BEND6: variants seen among roughly 807,000 people sequenced by gnomAD.
BEND6 encodes the protein BEN domain-containing protein 6.
Under a neutral mutation model 31.8 loss-of-function variants are expected in BEND6, and 24 were observed. That is an observed-to-expected ratio of 0.75 (90% CI 0.55 to 1.06). The LOEUF (loss-of-function observed/expected upper bound fraction) is 1.06. Among genes scored for constraint, BEND6 ranks in the 50% least tolerant of loss-of-function variants. The pLI is 0.00. For missense variants in BEND6, 294 were observed against 327.4 expected, an observed-to-expected ratio of 0.90 and a Z score of 0.79; for synonymous variants, 109 against 114.6, an observed-to-expected ratio of 0.95 and a Z score of 0.31.
At chr6:57,022,164 C>CTTTTTTTTTTTTTTTT (rs57185788) in intron 6 of BEND6, among the ~76,000 whole-genome samples, 13 of 111,158 alleles carry the variant, frequency 1.2e-4, no homozygotes, top group Non-Finnish European at 1.6e-4. Context: ...TTTTCTTTTT[C>CTTTTTTTTTTTTTTTT]TTTTTTTTTT....
chr6:56,975,691 TAGA>T (rs1825847433), intron 1 of BEND6: 1 of 446,054 alleles, frequency 2.2e-6, no homozygotes, highest in Non-Finnish European at 4.4e-6. Flanking sequence ...ATTTAATGAA[TAGA>T]AGAAGAAATC....
At chr6:56,990,888 C>A (rs1826473147) in intron 2 of BEND6, among the ~76,000 whole-genome samples, 1 of 152,118 alleles carries the variant, frequency 6.6e-6, no homozygotes, top group African/African-American at 2.4e-5. Flanking sequence ...GATGCATGAC[C>A]TTTAACAAAT....
chr6:56,993,185 T>A lies in BEND6; in HGVS notation c.298+630T>A, dbSNP rs932593626. Among the ~76,000 whole-genome samples, 14 of 152,364 alleles carry A rather than the reference T, an allele frequency of 9.2e-5. No individual in the cohort carries two copies. The East Asian group carries it at 2.5e-3, about 27-fold the overall frequency. On this transcript the variant is annotated intron_variant, in intron 3 of 6. Transcript: ENST00000370746. ...AAAACTACTTGGCTTAATGCCTTTT[T>A]GTAGGATCCTATGTGATGTTCATGT... is the stretch of plus-strand genomic sequence containing the variant.
In BEND6 at chr6:57,016,811, T is replaced by C. The variant is rs545976338; in HGVS notation, c.520-396T>C. Among the ~76,000 whole-genome samples the C allele has an allele frequency of 3.9e-5, 6 of 152,252 alleles. 1 individual carries two copies. The highest frequency in any genetic ancestry group is 1.4e-4 in the African/African-American group (6 of 41,558). On this transcript the variant is annotated intron_variant, in intron 4 of 6. Transcript: ENST00000370746. The stretch of plus-strand genomic sequence containing the variant: ...ACTTTAATCACATCTACAGAATTGT[T>C]TTTGCCCTGTGAGGCAACGTGTTAT...
At chr6:56,974,839 G>T (rs545066227) in intron 1 of BEND6, among the ~76,000 whole-genome samples, 1 of 152,282 alleles carries the variant, frequency 6.6e-6, no homozygotes, top group African/African-American at 2.4e-5. Flanking sequence ...AGGCAAAGCA[G>T]CCTGGGAACA....
At chr6:56,998,711 A>AT (rs34833735) in intron 3 of BEND6, among the ~76,000 whole-genome samples, 3 of 148,482 alleles carry the variant, frequency 2.0e-5, no homozygotes, top group African/African-American at 7.4e-5. Context: ...CTGGGAAAGG[A>AT]TTTTTTTTTA....
chr6:57,005,008 A>G (rs1181043748), intron 3 of BEND6, among the ~76,000 whole-genome samples: 1 of 152,252 alleles, frequency 6.6e-6, no homozygotes, highest in Non-Finnish European at 1.5e-5. Context: ...ATTGCACATT[A>G]TTGCTTAAAA....
intron 3 of BEND6, among the ~76,000 whole-genome samples, chr6:57,006,858 T>C (rs1198456471): frequency 1.3e-5 from 2 of 152,226 alleles, no homozygotes; most frequent in African/African-American, 4.8e-5. Context: ...CAAAGCTGCA[T>C]GGTATTGGCT....
At chr6:56,959,145 T>C (rs1825200915) in intron 1 of BEND6, among the ~76,000 whole-genome samples, 1 of 152,186 alleles carries the variant, frequency 6.6e-6, no homozygotes, top group Non-Finnish European at 1.5e-5. Flanking sequence ...GGATTTGTGA[T>C]TTAGCAATTT....
chr6:57,010,839 A>G, intron 3 of BEND6: 1 of 770,556 alleles, frequency 1.3e-6, no homozygotes, highest in Non-Finnish European at 1.6e-6. Context: ...ACTTTCAACT[A>G]AAATGAAAAT....
At chr6:57,002,046 G>C (rs1826964795) in intron 3 of BEND6, among the ~76,000 whole-genome samples, 1 of 152,152 alleles carries the variant, frequency 6.6e-6, no homozygotes, top group African/African-American at 2.4e-5. Flanking sequence ...ATAAAGAAGA[G>C]CAGGGGTCGT....
intron 2 of BEND6, among the ~76,000 whole-genome samples, chr6:56,984,519 C>A (rs527523444): frequency 6.6e-6 from 1 of 152,184 alleles, no homozygotes; most frequent in Non-Finnish European, 1.5e-5. Flanking sequence ...TCTGCTGATG[C>A]AGGTTTAGGG....
intron 1 of BEND6, among the ~76,000 whole-genome samples, chr6:56,966,605 A>G (rs1221399111): frequency 2.0e-5 from 3 of 152,172 alleles, no homozygotes; most frequent in African/African-American, 7.2e-5. Flanking sequence ...ATTGATTGGG[A>G]TAAGTGACAC....
chr6:57,003,777 C>T (rs1414608850), intron 3 of BEND6, among the ~76,000 whole-genome samples: 1 of 151,920 alleles, frequency 6.6e-6, no homozygotes, highest in Admixed American at 6.5e-5. Flanking sequence ...TGCAAAAATC[C>T]TCAACAAAAT....
chr6:56,974,415 TAAG>T (rs1249805631), intron 1 of BEND6, among the ~76,000 whole-genome samples: 1 of 152,240 alleles, frequency 6.6e-6, no homozygotes, highest in Non-Finnish European at 1.5e-5. Flanking sequence ...TTTACAGATT[TAAG>T]AAGTTTTTAA....
chr6:56,963,866 A>G (rs1825371196), intron 1 of BEND6, among the ~76,000 whole-genome samples: 1 of 147,768 alleles, frequency 6.8e-6, no homozygotes, highest in Non-Finnish European at 1.5e-5. Context: ...GTAGTGGTAT[A>G]ATAAAATACT....
chr6:57,016,694 C>T (rs1827571994), intron 4 of BEND6, among the ~76,000 whole-genome samples: 1 of 152,176 alleles, frequency 6.6e-6, no homozygotes, highest in Admixed American at 6.5e-5. Flanking sequence ...CTGATCTGCC[C>T]TTCTGCTTCC....
At chr6:56,969,385 C>G (rs1177272278) in intron 1 of BEND6, among the ~76,000 whole-genome samples, 1 of 152,150 alleles carries the variant, frequency 6.6e-6, no homozygotes, top group Non-Finnish European at 1.5e-5. Flanking sequence ...AACTAGTAGT[C>G]CGTTTTATAG....
At chr6:57,011,136 C>T (rs1167031437) in intron 3 of BEND6, among the ~76,000 whole-genome samples, 2 of 152,000 alleles carry the variant, frequency 1.3e-5, no homozygotes, top group Non-Finnish European at 2.9e-5. Context: ...CTTCACAGTA[C>T]TTAAATAATT....
Sources: gnomAD v4.1 joint callset for allele counts (sites outside exome capture counted in the v4.1 genomes callset) on GRCh38, gnomAD v4.1.1 for gene constraint, MANE v1.5 for transcripts, NCBI Gene and HGNC (gene_info 2026-07-23, HGNC 2026-07-21) for gene names.